Variants in WASF1 observed in about 807,000 individuals in gnomAD.
WASF1 encodes actin-binding protein WASF1.
In WASF1, 7 loss-of-function variants were observed where a neutral mutation model predicts 50.5. The ratio of observed to expected loss-of-function variants is 0.14; its 90% CI spans 0.08 to 0.26. The LOEUF (loss-of-function observed/expected upper bound fraction) is 0.26. WASF1 is among the 10% of genes least tolerant of loss of function. The pLI, the probability that WASF1 is intolerant of heterozygous loss-of-function variation, is 1.00. For synonymous variants in WASF1, 205 were observed against 244.0 expected (o/e 0.84, Z 1.49); for missense variants, 470 against 694.7 (o/e 0.68, Z 3.64).
intron 4 of WASF1, among the ~76,000 whole-genome samples, chr6:110,126,799 C>G (rs555661602): frequency 6.6e-6 from 1 of 152,322 alleles, no homozygotes; most frequent in East Asian, 1.9e-4. Flanking sequence ...CCAAGTTGCT[C>G]TATTCTGTAA....
chr6:110,168,700 G>C (rs1301457247), intron 2 of WASF1, among the ~76,000 whole-genome samples: 2 of 152,028 alleles, frequency 1.3e-5, no homozygotes, highest in East Asian at 3.9e-4. Flanking sequence ...TTCCAGTCCT[G>C]AGGAGTAGCA....
chr6:110,101,940 T>C lies in WASF1; in HGVS notation c.1170A>G (p.Ala390=). Residue 390 remains alanine (A), a synonymous_variant, in exon 10 of 11, where the codon GCA becomes GCG. Transcript: ENST00000392589. ...GTGGAGAGGGCTGTACTAGAGGAGG[T>C]GCAATTGGAGGAGGAGCTGGGTGAA... ...GVLHPAPPPI[A]PPLVQPSPPV... The C allele has an allele frequency of 6.2e-7, 1 of 1,606,736 alleles. No individual in the cohort carries two copies. The highest frequency in any genetic ancestry group is 1.3e-5 in the African/African-American group (1 of 74,312).
intron 4 of WASF1, among the ~76,000 whole-genome samples, chr6:110,114,727 G>T (rs1234861290): frequency 1.3e-5 from 2 of 151,640 alleles, no homozygotes; most frequent in Admixed American, 1.3e-4. Context: ...TGCAGCTTTT[G>T]TCAGCCAAGA....
intron 3 of WASF1, among the ~76,000 whole-genome samples, chr6:110,152,102 T>C (rs1775851437): frequency 6.6e-6 from 1 of 152,156 alleles, no homozygotes; most frequent in South Asian, 2.1e-4. Flanking sequence ...ATAATTATGG[T>C]CAATTATCAG....
chr6:110,147,842 G>C (rs908564779), intron 3 of WASF1, among the ~76,000 whole-genome samples: 14 of 152,258 alleles, frequency 9.2e-5, no homozygotes, highest in African/African-American at 2.9e-4. Flanking sequence ...AACCTCCCTG[G>C]CTAAAGCAGT....
intron 4 of WASF1, among the ~76,000 whole-genome samples, chr6:110,118,475 A>T (rs186645400): frequency 1.9e-3 from 292 of 152,130 alleles, no homozygotes; most frequent in African/African-American, 6.4e-3. Context: ...AAAGGGATCA[A>T]TTCAACAAGA....
rs1773184348 is a variant in WASF1, at chr6:110,103,513, G to A, written c.758C>T (p.Ser253Phe). Residue 253 changes from serine (S) to phenylalanine (F), a missense_variant, in exon 9 of 11, where the codon TCT becomes TTT. Physicochemically the swap from Ser to Phe is radical, Grantham distance 155. Around this residue, in one of 3 missense-constraint regions of WASF1, gnomAD observed 294 missense variants for 343.5 expected, o/e 0.86. Coordinates refer to ENST00000392589, the MANE Select transcript of WASF1 (RefSeq NM_003931.3). ...VDHMDGSYSL[S>F]ALPFSQMSEL... ...ACTCATCTGACTAAATGGCAAGGCAGAAAGTGAGTAAGATCCATCCATATG... is the reference window on the plus strand; with the variant it reads ...ACTCATCTGACTAAATGGCAAGGCAAAAAGTGAGTAAGATCCATCCATATG... 6.2e-7 allele frequency: 1 copy of A among 1,613,824 alleles called. No homozygotes were observed. The highest frequency in any genetic ancestry group is 1.3e-5 in the African/African-American group (1 of 74,908).
chr6:110,173,352 T>C (rs1343031642), intron 2 of WASF1, among the ~76,000 whole-genome samples: 2 of 152,138 alleles, frequency 1.3e-5, no homozygotes, highest in Non-Finnish European at 2.9e-5. Context: ...GTCATCATCA[T>C]CCAACAGATG....
chr6:110,105,237 C>T (rs1247507165), intron 8 of WASF1, among the ~76,000 whole-genome samples, 170 bp downstream of exon 8: 4 of 152,114 alleles, frequency 2.6e-5, no homozygotes, highest in Admixed American at 2.6e-4. Flanking sequence ...AAATGACCTG[C>T]TCAAGGCCTG....
At chr6:110,149,792 T>C (rs965039326) in intron 3 of WASF1, among the ~76,000 whole-genome samples, 7 of 152,300 alleles carry the variant, frequency 4.6e-5, no homozygotes, top group Non-Finnish European at 8.8e-5. Flanking sequence ...TCTGGGATTA[T>C]GGTACACCCA....
intron 7 of WASF1, among the ~76,000 whole-genome samples, chr6:110,106,521 T>C (rs1171524597): frequency 6.6e-6 from 1 of 152,246 alleles, no homozygotes. Context: ...TTTTCAGTTA[T>C]CATTAACATG....
rs1258141310 is a variant in WASF1 at position 110,116,256 on chromosome 6, CA to C, written c.134-2797del. 2.6e-5 allele frequency among the ~76,000 whole-genome samples: 4 copies of C among 152,324 alleles called. No individual in the cohort carries two copies. In the East Asian group the frequency reaches 5.8e-4, roughly 22 times the overall value. The stretch of plus-strand genomic sequence containing the variant: ...GCCTCACCCAGGAAGTACAAGGGGT[CA>C]GGGGATTTCCCTTTCCTAGCCAAGG... On this transcript the variant is annotated intron_variant, in intron 4 of 10. Coordinates refer to ENST00000392589, the MANE Select transcript of WASF1 (RefSeq NM_003931.3).
intron 4 of WASF1, among the ~76,000 whole-genome samples, chr6:110,117,818 G>C (rs1257566102): frequency 6.6e-6 from 1 of 152,110 alleles, no homozygotes; most frequent in Non-Finnish European, 1.5e-5. Flanking sequence ...GGATCTCTCG[G>C]CAGAAACCCT....
chr6:110,175,721 C>G (rs1776901055), intron 2 of WASF1, among the ~76,000 whole-genome samples: 1 of 152,116 alleles, frequency 6.6e-6, no homozygotes, highest in Admixed American at 6.5e-5. Flanking sequence ...TAATGTAAGC[C>G]TATGCCACTC....
chr6:110,174,339 C>A (rs924576022), intron 2 of WASF1, among the ~76,000 whole-genome samples: 71 of 152,092 alleles, frequency 4.7e-4, no homozygotes, highest in African/African-American at 1.7e-3. Context: ...ACTGTTAACT[C>A]CAAGAGAATA....
At chr6:110,145,389 A>G (rs1168892232) in intron 3 of WASF1, among the ~76,000 whole-genome samples, 1 of 152,178 alleles carries the variant, frequency 6.6e-6, no homozygotes, top group Non-Finnish European at 1.5e-5. Flanking sequence ...TAGATATACA[A>G]TCATGTCATC....
intron 3 of WASF1, among the ~76,000 whole-genome samples, chr6:110,136,350 A>C (rs909265706): frequency 1.3e-5 from 2 of 152,226 alleles, no homozygotes; most frequent in African/African-American, 4.8e-5. Flanking sequence ...TAAACATTCC[A>C]GGGATACTGA....
chr6:110,101,836 G>A lies in WASF1; in HGVS notation c.1274C>T (p.Pro425Leu). ...LPQGEVQGLP[P>L]PPPPPPLPPP... ...AGGCAGAGGAGGCGGTGGTGGGGGTGGAGGCAGCCCCTGAACTTCACCTTG... is the reference window on the plus strand; with the variant it reads ...AGGCAGAGGAGGCGGTGGTGGGGGTAGAGGCAGCCCCTGAACTTCACCTTG... Residue 425 changes from proline to leucine, a missense_variant, in exon 10 of 11, where the codon CCA becomes CTA. Around this residue, in one of 3 missense-constraint regions of WASF1, gnomAD observed 294 missense variants for 343.5 expected, o/e 0.86. Coordinates refer to ENST00000392589, the MANE Select transcript of WASF1 (RefSeq NM_003931.3). The A allele has an allele frequency of 4.3e-6, 7 of 1,614,028 alleles. 1 individual carries two copies. In the South Asian group the frequency reaches 7.7e-5, roughly 18 times the overall value.
intron 4 of WASF1, among the ~76,000 whole-genome samples, chr6:110,124,847 T>C (rs533773657): frequency 6.6e-6 from 1 of 152,034 alleles, no homozygotes; most frequent in African/African-American, 2.4e-5. Context: ...GAGGTGGAGT[T>C]TGTAGTGAGC....
Sources: gnomAD v4.1 joint callset for allele counts (sites outside exome capture counted in the v4.1 genomes callset) on GRCh38, gnomAD v4.1.1 for gene constraint, gnomAD v4.1.1 regional missense constraint, MANE v1.5 for transcripts, NCBI Gene and HGNC (gene_info 2026-07-23, HGNC 2026-07-21) for gene names.